The following ULK4 variants were observed in gnomAD, a reference collection of about 807,000 sequenced individuals.
ULK4 encodes unc-51 like kinase 4, also known as inactive serine/threonine-protein kinase ULK4.
In ULK4, 133 loss-of-function variants were observed where a neutral mutation model predicts 160.6. The ratio of observed to expected loss-of-function variants is 0.83; its 90% CI spans 0.72 to 0.96. The LOEUF is 0.96. ULK4 is among the 40% of genes least tolerant of loss of function. ULK4 has a pLI of 0.00. For synonymous variants in ULK4, 534 were observed against 539.8 expected (o/e 0.99, Z 0.15); for missense variants, 1,580 against 1,499.5 (o/e 1.05, Z -0.89).
chr3:41,900,909 G>A (rs1449047839), intron 12 of ULK4, 80 bp from the exon 13 acceptor site: 11 of 966,114 alleles, frequency 1.1e-5, no homozygotes, highest in Non-Finnish European at 1.5e-5. Context: ...AGATGCTGAG[G>A]AAGACACCAC....
chr3:41,621,118 CACAA>C (rs2033227028), intron 30 of ULK4, among the ~76,000 whole-genome samples: 2 of 152,022 alleles, frequency 1.3e-5, no homozygotes, highest in Non-Finnish European at 2.9e-5. Context: ...TAAGAGAGGA[CACAA>C]ACAAATGGAA....
chr3:41,416,091 G>A (rs138494696), intron 34 of ULK4, among the ~76,000 whole-genome samples: 14 of 152,250 alleles, frequency 9.2e-5, no homozygotes, highest in African/African-American at 2.4e-4. Flanking sequence ...AAATGACCAC[G>A]CTGATACAGC....
chr3:41,469,969 T>C (rs1215075142), intron 32 of ULK4, among the ~76,000 whole-genome samples: 1 of 118,002 alleles, frequency 8.5e-6, no homozygotes, highest in Non-Finnish European at 1.6e-5. Context: ...TGGAATACCA[T>C]TAAGAGACCT....
intron 21 of ULK4, among the ~76,000 whole-genome samples, chr3:41,761,904 C>T (rs181098021): frequency 4.7e-4 from 72 of 152,022 alleles, no homozygotes; most frequent in Admixed American, 1.2e-3. Context: ...AGCAAGACCT[C>T]TTCTCTACTT....
chr3:41,344,943 A>G (rs967007768), intron 35 of ULK4, among the ~76,000 whole-genome samples: 3 of 152,194 alleles, frequency 2.0e-5, no homozygotes, highest in African/African-American at 7.2e-5. Context: ...CAAGAAAAAA[A>G]CAACTGCACC....
chr3:41,603,870 C>A (rs1559426571), intron 31 of ULK4, among the ~76,000 whole-genome samples: 1 of 152,034 alleles, frequency 6.6e-6, no homozygotes, highest in African/African-American at 2.4e-5. Context: ...TTTTAAAATC[C>A]TTTAATATGT....
intron 35 of ULK4, among the ~76,000 whole-genome samples, chr3:41,396,588 T>C (rs907630423): frequency 3.9e-5 from 6 of 152,146 alleles, no homozygotes; most frequent in Non-Finnish European, 7.4e-5. Flanking sequence ...TTGAGAGGCC[T>C]GCTCTGTTAA....
rs954453886 is a variant in ULK4, at chr3:41,463,256, G to A, written c.3227-3C>T. On this transcript the variant is annotated splice_region_variant and splice_polypyrimidine_tract_variant and intron_variant, in intron 32 of 36. Transcript: ENST00000301831. ...GTTACAGATGTGACTGACAAGTCCT[G>A]AGGGTAAAAAAGGAAAAGAAAAAAA... The A allele has an allele frequency of 1.2e-6, 2 of 1,607,686 alleles. No homozygotes were observed. The highest frequency in any genetic ancestry group is 1.3e-5 in the African/African-American group (1 of 74,716).
chr3:41,900,711 G>C lies in ULK4; in HGVS notation c.1287+14C>G. The C allele has an allele frequency of 1.2e-6, 2 of 1,602,154 alleles. No homozygotes were observed. Among genetic ancestry groups the C allele is most frequent in the Non-Finnish European group, 1.7e-6 (2 of 1,170,990 alleles). ...TAAAGTCTACAACTCAGTTGTTAGA[G>C]TGTCTTTCTGCACCTTTGGATTGTC... On this transcript the variant is annotated intron_variant, in intron 13 of 36. Transcript: ENST00000301831.
intron 34 of ULK4, among the ~76,000 whole-genome samples, chr3:41,425,225 A>T (rs1225773222): frequency 6.6e-6 from 1 of 152,208 alleles, no homozygotes; most frequent in Admixed American, 6.5e-5. Flanking sequence ...TGCTGAAATA[A>T]GACAGGCAGA....
At chr3:41,463,274 GA>G (rs781485486) in intron 32 of ULK4, 21 bp from the exon 33 acceptor site, 3 of 1,594,326 alleles carry the variant, frequency 1.9e-6, no homozygotes, top group African/African-American at 1.4e-5. Context: ...AAAAGGAAAA[GA>G]AAAAAACCTC....
At chr3:41,428,391 A>T (rs1238300749) in intron 34 of ULK4, among the ~76,000 whole-genome samples, 1 of 152,148 alleles carries the variant, frequency 6.6e-6, no homozygotes, top group Non-Finnish European at 1.5e-5. Flanking sequence ...TACCATTGAC[A>T]TTCTTCAAAG....
intron 32 of ULK4, among the ~76,000 whole-genome samples, chr3:41,548,625 G>C (rs1217107667): frequency 1.3e-5 from 2 of 152,050 alleles, no homozygotes; most frequent in Non-Finnish European, 2.9e-5. Context: ...TGCCATTGCA[G>C]ATGCCATGTA....
At chr3:41,744,471 G>C (rs530930072) in intron 22 of ULK4, among the ~76,000 whole-genome samples, 1 of 152,046 alleles carries the variant, frequency 6.6e-6, no homozygotes, top group East Asian at 1.9e-4. Flanking sequence ...CTTACATTAT[G>C]ATAAAAGCAT....
intron 35 of ULK4, among the ~76,000 whole-genome samples, chr3:41,367,359 A>G (rs754377066): frequency 6.6e-6 from 1 of 152,220 alleles, no homozygotes; most frequent in Non-Finnish European, 1.5e-5. Context: ...AAGAATAAAG[A>G]TATCAATTCA....
chr3:41,350,661 T>A (rs2080891836), intron 35 of ULK4, among the ~76,000 whole-genome samples: 1 of 152,178 alleles, frequency 6.6e-6, no homozygotes, highest in East Asian at 1.9e-4. Context: ...TTCCTAAGTG[T>A]CATTGTGTTT....
At position 41,710,088 on chromosome 3, in the gene ULK4, T is replaced by G. The variant is rs1265852703; in HGVS notation, c.2635-4783A>C. ...CCTTGCGACTTTTTAACCACTCACA[T>G]GTACTGTCTTTTTCACATATATATA... On this transcript the variant is annotated intron_variant, in intron 25 of 36. Coordinates refer to ENST00000301831, the MANE Select transcript of ULK4 (RefSeq NM_017886.4). Among the ~76,000 whole-genome samples, 3 of 152,152 alleles carry G rather than the reference T, an allele frequency of 2.0e-5. No homozygotes were observed. In the East Asian group the frequency reaches 5.8e-4, roughly 29 times the overall value.
intron 27 of ULK4, among the ~76,000 whole-genome samples, chr3:41,692,198 G>T (rs1302418465): frequency 6.7e-6 from 1 of 149,478 alleles, no homozygotes; most frequent in African/African-American, 2.4e-5. Flanking sequence ...TGATCTGCCC[G>T]CCTCGGCCTC....
chr3:41,559,437 TGAG>T (rs1036989987), intron 32 of ULK4, among the ~76,000 whole-genome samples: 3 of 149,338 alleles, frequency 2.0e-5, no homozygotes, highest in Non-Finnish European at 3.0e-5. Flanking sequence ...TCTAGATCCT[TGAG>T]GAACTGCCAC....
Sources: gnomAD v4.1 joint callset for allele counts (sites outside exome capture counted in the v4.1 genomes callset) on GRCh38, gnomAD v4.1.1 for gene constraint, MANE v1.5 for transcripts, NCBI Gene and HGNC (gene_info 2026-07-23, HGNC 2026-07-21) for gene names.